The following DLX6 variants were observed in gnomAD, a reference collection of about 807,000 sequenced individuals.
DLX6 encodes distal-less homeobox 6, also known as homeobox protein DLX-6.
Under a neutral mutation model 33.5 loss-of-function variants are expected in DLX6, and 4 were observed. The ratio of observed to expected loss-of-function variants is 0.12; its 90% confidence interval spans 0.06 to 0.27. The LOEUF is 0.27. Ranked by LOEUF, DLX6 falls within the 10% of genes least tolerant of loss-of-function variation. The pLI, the probability that DLX6 is intolerant of heterozygous loss-of-function variation, is 1.00. For synonymous variants in DLX6, 184 were observed against 164.8 expected, an observed-to-expected ratio of 1.12 and a Z score of -0.89; for missense variants, 382 against 393.3, an observed-to-expected ratio of 0.97 and a Z score of 0.24.
chr7:97,005,988 T>G lies in DLX6; in HGVS notation c.11T>G (p.Met4Arg). Residue 4 changes from methionine to arginine, a missense_variant, in exon 1 of 3, where the codon ATG (methionine) becomes AGG (arginine). Transcript: ENST00000518156. MMT[M>R]TTMADGLEGQ... ...CCCCCAAAGTTTTTGATGATGACCA[T>G]GACTACGATGGCTGACGGCTTGGAA... is the stretch of plus-strand genomic sequence containing the variant. The G allele has an allele frequency of 6.3e-7, 1 of 1,590,816 alleles. No individual in the cohort carries two copies. The highest frequency in any genetic ancestry group is 8.6e-7 in the Non-Finnish European group (1 of 1,168,640).
At chr7:97,009,746 A>C in intron 2 of DLX6, 50 bp from the exon 3 acceptor site, 1 of 1,587,678 alleles carries the variant, frequency 6.3e-7, no homozygotes, top group East Asian at 2.3e-5. Context: ...GTGACGTTAG[A>C]GGCACTGGTT....
In DLX6 at chr7:97,009,960, T is replaced by C. The variant is rs948164608; in HGVS notation, c.795T>C (p.Ser265=). Residue 265 remains serine (S), a synonymous_variant, in exon 3 of 3, where the codon AGT becomes AGC. Transcript: ENST00000518156. ...TTTCTGCCTCGGCCAAGGGTGTCAGTATGCCCCCCAACAGCTACATGCCTG... is the reference window on the plus strand; with the variant it reads ...TTTCTGCCTCGGCCAAGGGTGTCAGCATGCCCCCCAACAGCTACATGCCTG... The part of the protein sequence containing the change: ...WDVSASAKGV[S]MPPNSYMPGY... 6.2e-7 allele frequency: 1 copy of C among 1,613,586 alleles called. No individual in the cohort carries two copies. The highest frequency in any genetic ancestry group is 1.3e-5 in the African/African-American group (1 of 74,920).
rs754232631 is a variant in DLX6 at position 97,006,064 on chromosome 7, GCAGCAGCAGCAA to G, written c.99_110del (p.Gln41_Gln44del). 60 of 1,578,014 alleles carry G rather than the reference GCAGCAGCAGCAA, an allele frequency of 3.8e-5. 1 individual carries two copies. The highest frequency in any genetic ancestry group is 3.6e-4 in the South Asian group (31 of 86,438). ...TCATGGAGTTCGGGCAGCAGCAGCA[GCAGCAGCAGCAA>G]CAGCAGCAGCAGCAGCAGCAGCAAC... On this transcript the variant is annotated inframe_deletion, in exon 1 of 3. Coordinates refer to ENST00000518156, the MANE Select transcript of DLX6 (RefSeq NM_005222.4).
At chr7:97,009,698 G>A in intron 2 of DLX6, 98 bp from the exon 3 acceptor site, 6 of 1,520,418 alleles carry the variant, frequency 3.9e-6, no homozygotes, top group Non-Finnish European at 5.3e-6. Context: ...TTTGTTTTTT[G>A]TTTTTTTGCT....
chr7:97,006,127 G>GCCT lies in DLX6; in HGVS notation c.152_153insTCC (p.Pro53dup). On this transcript the variant is annotated inframe_insertion, in exon 1 of 3. Coordinates refer to ENST00000518156, the MANE Select transcript of DLX6 (RefSeq NM_005222.4). Reference sequence around the variant, plus strand: ...AGCAACAGCCGCCGCCGCCGCCGCCGCCGCCGCCGCAGCCGCACTCGCAGC... The same window carrying GCCT: ...AGCAACAGCCGCCGCCGCCGCCGCCGCCTCCGCCGCCGCAGCCGCACTCGCAGC... 1 of 1,544,778 alleles carries GCCT rather than the reference G, an allele frequency of 6.5e-7. No individual in the cohort carries two copies.
chr7:97,006,324 A>G lies in DLX6; in HGVS notation c.347A>G (p.Tyr116Cys). The G allele has an allele frequency of 6.6e-7, 1 of 1,521,002 alleles. No individual in the cohort carries two copies. The highest frequency in any genetic ancestry group is 8.8e-7 in the Non-Finnish European group (1 of 1,131,662). 94.2% of individuals were successfully genotyped at this position (1,521,002 alleles called of 1,614,324 possible). A position where few individuals can be genotyped will look rare whatever the true frequency, so the allele number is the denominator to read the frequency against. The change falls in exon 1 of 3, where the codon TAC becomes TGC. Residue 116 changes from tyrosine (Y) to cysteine (C), a missense_variant. By Grantham distance (194) the Tyr-to-Cys change is radical. Around this residue, in one of 4 missense-constraint regions of DLX6, gnomAD observed 257 missense variants for 206.9 expected, o/e 1.24. Transcript: ENST00000518156. The part of the protein sequence containing the change: ...NSYNHRSLAA[Y>C]PYMSHSQHSP... Reference sequence around the variant, plus strand: ...TACAACCACCGCTCGCTCGCCGCCTACCCCTACATGAGCCACTCGCAGCAC... The same window carrying G: ...TACAACCACCGCTCGCTCGCCGCCTGCCCCTACATGAGCCACTCGCAGCAC...
rs1247842382 is a variant in DLX6 at position 97,010,207 on chromosome 7, T to C, written c.*160T>C. The C allele has an allele frequency of 7.2e-6, 5 of 691,778 alleles. No individual in the cohort carries two copies. The highest frequency in any genetic ancestry group is 3.6e-5 in the African/African-American group (2 of 55,212). 42.9% of individuals were successfully genotyped at this position (691,778 alleles called of 1,614,324 possible). A position where few individuals can be genotyped will look rare whatever the true frequency, so the allele number is the denominator to read the frequency against. On this transcript the variant is annotated 3_prime_UTR_variant, in exon 3 of 3. Transcript: ENST00000518156. ...CATTCTCTCTCCCTCTCTCTCTCTC[T>C]CCCTCTCCTTTCTTTTTACTTCTTC...
At chr7:97,007,468 C>T (rs1372854674) in intron 1 of DLX6, 170 bp from the exon 2 acceptor site, 1 of 691,368 alleles carries the variant, frequency 1.4e-6, no homozygotes, top group Non-Finnish European at 2.6e-6. Flanking sequence ...ATTACGCAGA[C>T]GCTGGGAGCA....
rs764780781 is a variant in DLX6 at position 97,005,994 on chromosome 7, C to T, written c.17C>T (p.Thr6Met). Reference protein sequence around the residue: MMTMTTMADGLEGQDS... With the variant: MMTMTMMADGLEGQDS... ...AAGTTTTTGATGATGACCATGACTA[C>T]GATGGCTGACGGCTTGGAAGGCCAG... The change falls in exon 1 of 3, where the codon ACG becomes ATG. Residue 6 changes from threonine (T) to methionine (M), a missense_variant. Around this residue, in one of 4 missense-constraint regions of DLX6, gnomAD observed 257 missense variants for 206.9 expected, o/e 1.24. Transcript: ENST00000518156. The T allele has an allele frequency of 1.3e-6, 2 of 1,595,388 alleles. No homozygotes were observed. Among genetic ancestry groups the T allele is most frequent in the South Asian group, 1.1e-5 (1 of 87,800 alleles).
At chr7:97,009,640 G>A (rs964418602) in intron 2 of DLX6, among the ~76,000 whole-genome samples, 156 bp from the exon 3 acceptor site, 1 of 152,210 alleles carries the variant, frequency 6.6e-6, no homozygotes, top group Non-Finnish European at 1.5e-5. Context: ...CTAGAAAGAG[G>A]TGGAAGGAGG....
chr7:97,010,425 G>T lies in DLX6; in HGVS notation c.*378G>T. The T allele has an allele frequency of 5.6e-6, 1 of 177,404 alleles. No individual in the cohort carries two copies. The highest frequency in any genetic ancestry group is 1.5e-4 in the East Asian group (1 of 6,622). 11.0% of individuals were successfully genotyped at this position (177,404 alleles called of 1,614,324 possible). A position where few individuals can be genotyped will look rare whatever the true frequency, so the allele number is the denominator to read the frequency against. On this transcript the variant is annotated 3_prime_UTR_variant, in exon 3 of 3. Transcript: ENST00000518156. ...GCACTCCTGAAACCCCTTACTGTAA[G>T]GATATTTTCTCTTACCCCTTGGGAT...
chr7:97,009,731 C>G (rs1789807311), intron 2 of DLX6, 65 bp from the exon 3 acceptor site: 8 of 1,557,306 alleles, frequency 5.1e-6, no homozygotes, highest in Non-Finnish European at 6.9e-6. Flanking sequence ...CTTCTAAATC[C>G]CTGAGTGACG....
chr7:97,006,218 G>A lies in DLX6; in HGVS notation c.241G>A (p.Ala81Thr), dbSNP rs1160502769. 6.6e-7 allele frequency: 1 copy of A among 1,510,204 alleles called. No individual in the cohort carries two copies. The highest frequency in any genetic ancestry group is 8.9e-7 in the Non-Finnish European group (1 of 1,125,922). The allele number at this position is 1,510,204 out of a possible 1,614,324, so 93.6% of individuals were successfully genotyped here. ...CTGCCTGCACTCGGCGGCGGCGGCG[G>A]CAGCGGCCGGCTCGCACCACCACCA... ...LHCLHSAAAA[A>T]AAGSHHHHHH... Residue 81 changes from alanine (A) to threonine (T), a missense_variant, in exon 1 of 3, where the codon GCA becomes ACA. Transcript: ENST00000518156.
Position 97,006,087 on chromosome 7 carries a change from AGCAGCAGCAGCAACAGCAACAGCC to A in DLX6, c.113_136del (p.Gln38_Pro45del). 2 of 1,560,190 alleles carry A rather than the reference AGCAGCAGCAGCAACAGCAACAGCC, an allele frequency of 1.3e-6. No homozygotes were observed. The highest frequency in any genetic ancestry group is 1.7e-6 in the Non-Finnish European group (2 of 1,153,494). ...CAGCAGCAGCAGCAACAGCAGCAGC[AGCAGCAGCAGCAACAGCAACAGCC>A]GCCGCCGCCGCCGCCGCCGCCGCCG... On this transcript the variant is annotated inframe_deletion, in exon 1 of 3. Transcript: ENST00000518156.
intron 1 of DLX6, chr7:97,007,046 TC>T (rs1385420014): frequency 6.1e-6 from 1 of 164,362 alleles, no homozygotes; most frequent in Non-Finnish European, 1.3e-5. Flanking sequence ...GCAAAGAACC[TC>T]GGGCTGATGG....
chr7:97,007,192 CTTGA>C, intron 1 of DLX6: 2 of 354,902 alleles, frequency 5.6e-6, no homozygotes, highest in Non-Finnish European at 1.0e-5. Context: ...GCCGAGGATG[CTTGA>C]TGCACTGAGC....
In DLX6 at chr7:97,010,051, G is replaced by C; in HGVS notation, c.*4G>C. 1 of 1,585,244 alleles carries C rather than the reference G, an allele frequency of 6.3e-7. No homozygotes were observed. The highest frequency in any genetic ancestry group is 8.6e-7 in the Non-Finnish European group (1 of 1,165,226). On this transcript the variant is annotated 3_prime_UTR_variant, in exon 3 of 3. Transcript: ENST00000518156. ...GCAGAGACCACAGATGATGTGAGTTGCCCAAGGGAACACCCTAGGGAAACG... is the reference window on the plus strand; with the variant it reads ...GCAGAGACCACAGATGATGTGAGTTCCCCAAGGGAACACCCTAGGGAAACG...
rs1027658642 is a variant in DLX6, at chr7:97,007,016, C to G, written c.436+603C>G. 3.7e-5 allele frequency: 6 copies of G among 162,422 alleles called. No homozygotes were observed. The East Asian group carries it at 1.1e-3, about 29-fold the overall frequency. The allele number at this position is 162,422 out of a possible 1,614,324, so 10.1% of individuals were successfully genotyped here. Reference sequence around the variant, plus strand: ...GCTTTTCGCTACAGTGTTGGCTGCTCCTTTGTTCGTGGAGGGGAAGCAAAG... The same window carrying G: ...GCTTTTCGCTACAGTGTTGGCTGCTGCTTTGTTCGTGGAGGGGAAGCAAAG... On this transcript the variant is annotated intron_variant, in intron 1 of 2. Transcript: ENST00000518156.
chr7:97,006,232 GCACCACCAC>G lies in DLX6; in HGVS notation c.267_275del (p.His89_His91del), dbSNP rs746036175. ...CGGCGGCGGCGGCAGCGGCCGGCTC[GCACCACCAC>G]CACCACCACCAGCACCACCACCACG... is the stretch of plus-strand genomic sequence containing the variant. On this transcript the variant is annotated inframe_deletion, in exon 1 of 3. Coordinates refer to ENST00000518156, the MANE Select transcript of DLX6 (RefSeq NM_005222.4). 4.6e-5 allele frequency: 69 copies of G among 1,512,504 alleles called. No homozygotes were observed. Among genetic ancestry groups the G allele is most frequent in the Middle Eastern group, 3.4e-4 (2 of 5,830 alleles). 93.7% of individuals were successfully genotyped at this position (1,512,504 alleles called of 1,614,324 possible). A position where few individuals can be genotyped will look rare whatever the true frequency, so the allele number is the denominator to read the frequency against.
Sources: gnomAD v4.1 joint callset for allele counts (sites outside exome capture counted in the v4.1 genomes callset) on GRCh38, gnomAD v4.1.1 for gene constraint, gnomAD v4.1.1 regional missense constraint, MANE v1.5 for transcripts, NCBI Gene and HGNC (gene_info 2026-07-23, HGNC 2026-07-21) for gene names.